The following BBX variants were observed in gnomAD, a reference collection of about 807,000 sequenced individuals.
BBX encodes BBX high mobility group box domain containing.
Under a neutral mutation model 100.2 loss-of-function variants are expected in BBX, and 30 were observed. The observed-to-expected ratio is 0.30, with a 90% CI of 0.22 to 0.41. The LOEUF (loss-of-function observed/expected upper bound fraction) is 0.41, where lower values mean the gene tolerates loss of function less well. Among genes scored for constraint, BBX ranks in the 10% least tolerant of loss-of-function variants. The probability of loss-of-function intolerance (pLI) is 1.00; values close to 1 mark genes in which losing one functional copy is unlikely to be tolerated. For synonymous variants in BBX, 376 were observed against 388.1 expected (o/e 0.97, Z 0.37); for missense variants, 1,023 against 1,129.8 (o/e 0.91, Z 1.35).
intron 2 of BBX, among the ~76,000 whole-genome samples, chr3:107,644,218 A>T (rs55761904): frequency 6.6e-6 from 1 of 151,924 alleles, no homozygotes. Flanking sequence ...ACTTACGTAT[A>T]TAGGGATGTA....
intron 7 of BBX, among the ~76,000 whole-genome samples, chr3:107,737,660 C>A (rs2063727679): frequency 6.6e-6 from 1 of 152,062 alleles, no homozygotes; most frequent in Admixed American, 6.6e-5. Flanking sequence ...AACCAGACAG[C>A]CTGAAGCTGA....
intron 2 of BBX, among the ~76,000 whole-genome samples, chr3:107,570,426 A>C (rs189384947): frequency 6.6e-5 from 10 of 152,310 alleles, no homozygotes; most frequent in Non-Finnish European, 1.5e-4. Flanking sequence ...GCTATAAAGC[A>C]TCTCAGGGTT....
intron 3 of BBX, among the ~76,000 whole-genome samples, chr3:107,698,348 T>C (rs1182831286): frequency 6.6e-6 from 1 of 151,784 alleles, no homozygotes; most frequent in Non-Finnish European, 1.5e-5. Flanking sequence ...AATGTATGAT[T>C]GCTCTTAAAA....
At chr3:107,693,630 T>A (rs906779815) in intron 3 of BBX, among the ~76,000 whole-genome samples, 3 of 151,658 alleles carry the variant, frequency 2.0e-5, no homozygotes, top group Admixed American at 1.3e-4. Flanking sequence ...AGTCAGGTAG[T>A]GTGATGCCTC....
At chr3:107,695,427 T>C (rs2108123246) in intron 3 of BBX, among the ~76,000 whole-genome samples, 1 of 137,024 alleles carries the variant, frequency 7.3e-6, no homozygotes, top group Admixed American at 7.3e-5. Flanking sequence ...AAGAACATCT[T>C]TATTTCTGCC....
chr3:107,682,469 G>A (rs970581139), intron 3 of BBX, among the ~76,000 whole-genome samples: 6 of 151,886 alleles, frequency 4.0e-5, no homozygotes, highest in African/African-American at 7.3e-5. Context: ...CTGTGGGACC[G>A]AAGGGTCTAC....
At chr3:107,608,380 G>A (rs1213089702) in intron 2 of BBX, among the ~76,000 whole-genome samples, 1 of 152,108 alleles carries the variant, frequency 6.6e-6, no homozygotes, top group Non-Finnish European at 1.5e-5. Context: ...GTTCACCATA[G>A]ATGTATGGAT....
chr3:107,570,828 AAAG>A (rs1167320453), intron 2 of BBX, among the ~76,000 whole-genome samples: 4 of 152,078 alleles, frequency 2.6e-5, no homozygotes, highest in Admixed American at 1.3e-4. Flanking sequence ...GACAGGAGAG[AAAG>A]AAGAAGGATT....
chr3:107,716,555 C>A, intron 4 of BBX, 52 bp from the exon 5 acceptor site: 1 of 1,581,208 alleles, frequency 6.3e-7, no homozygotes, highest in Admixed American at 1.8e-5. Context: ...ACTGTTAAAT[C>A]AAAATTATCC....
chr3:107,637,658 A>G (rs903369913), intron 2 of BBX, among the ~76,000 whole-genome samples: 7 of 152,214 alleles, frequency 4.6e-5, no homozygotes, highest in African/African-American at 1.7e-4. Context: ...GATAGGGAGA[A>G]ACATCAACTC....
At chr3:107,721,254 A>G (rs2107433669) in intron 5 of BBX, among the ~76,000 whole-genome samples, 1 of 152,132 alleles carries the variant, frequency 6.6e-6, no homozygotes, top group African/African-American at 2.4e-5. Flanking sequence ...TCACTTTATG[A>G]TCTGTGACTT....
chr3:107,749,061 G>A (rs888777843), intron 9 of BBX, among the ~76,000 whole-genome samples: 1 of 151,620 alleles, frequency 6.6e-6, no homozygotes, highest in Non-Finnish European at 1.5e-5. Context: ...TTATACCATC[G>A]GTTGGCCTGC....
chr3:107,759,188 G>T (rs1411436971), intron 10 of BBX, among the ~76,000 whole-genome samples: 2 of 152,196 alleles, frequency 1.3e-5, no homozygotes, highest in African/African-American at 2.4e-5. Context: ...CTGGAGCCAG[G>T]AGATTTCCTG....
chr3:107,739,763 G>T lies in BBX; in HGVS notation c.670-4867G>T, dbSNP rs540959890. Among the ~76,000 whole-genome samples, 9 of 152,312 alleles carry T rather than the reference G, an allele frequency of 5.9e-5. No homozygotes were observed. The South Asian group carries it at 1.9e-3, about 32-fold the overall frequency. ...GGTGGTTGTTGGAGAGCACATTGAT[G>T]TACACTGTTGCATTTTATTCTCACA... On this transcript the variant is annotated intron_variant, in intron 7 of 17. Coordinates refer to ENST00000325805, the MANE Select transcript of BBX (RefSeq NM_001142568.3).
chr3:107,635,319 A>AT (rs1471121041), intron 2 of BBX, among the ~76,000 whole-genome samples: 2 of 152,206 alleles, frequency 1.3e-5, no homozygotes, highest in East Asian at 3.9e-4. Flanking sequence ...ATTTTGTTTA[A>AT]TTTTTTCTGC....
intron 2 of BBX, among the ~76,000 whole-genome samples, chr3:107,617,288 A>G (rs2055365608): frequency 6.6e-6 from 1 of 152,116 alleles, no homozygotes; most frequent in African/African-American, 2.4e-5. Context: ...CTTGATTACC[A>G]TAGCTATGTA....
chr3:107,588,839 T>G (rs187072858), intron 2 of BBX, among the ~76,000 whole-genome samples: 20 of 152,304 alleles, frequency 1.3e-4, no homozygotes, highest in African/African-American at 4.8e-4. Context: ...AGACTGGGAA[T>G]AAAAAATATC....
chr3:107,571,219 G>A (rs547683422), intron 2 of BBX, among the ~76,000 whole-genome samples: 3 of 152,224 alleles, frequency 2.0e-5, no homozygotes, highest in African/African-American at 7.2e-5. Flanking sequence ...GCAGCCCTGG[G>A]ACGCAATGTG....
chr3:107,785,255 A>G (rs1280063314), intron 13 of BBX, among the ~76,000 whole-genome samples: 1 of 151,788 alleles, frequency 6.6e-6, no homozygotes, highest in Non-Finnish European at 1.5e-5. Flanking sequence ...AATTTACACC[A>G]ATTTTTCACA....
Sources: gnomAD v4.1 joint callset for allele counts (sites outside exome capture counted in the v4.1 genomes callset) on GRCh38, gnomAD v4.1.1 for gene constraint, MANE v1.5 for transcripts, NCBI Gene and HGNC (gene_info 2026-07-23, HGNC 2026-07-21) for gene names.